The following NUDT1 variants were observed in gnomAD, a reference collection of about 807,000 sequenced individuals.
NUDT1 encodes the protein oxidized purine nucleoside triphosphate hydrolase.
In NUDT1, 16 loss-of-function variants were observed where a neutral mutation model predicts 11.3. The ratio of observed to expected loss-of-function variants is 1.41; its 90% CI spans 0.96 to 2.15. The LOEUF is 2.15. NUDT1 is among the 30% of genes most tolerant of loss of function. The pLI is 0.00. For synonymous variants in NUDT1, 101 were observed against 84.4 expected (o/e 1.20, Z -1.08); for missense variants, 234 against 208.4 (o/e 1.12, Z -0.76).
Position 2,249,961 on chromosome 7 carries a change from T to G in NUDT1, c.257T>G (p.Phe86Cys), listed in dbSNP as rs771017039. ...GEPELMDVHV[F>C]CTDSIQGTPV... ...CCTGAGCTCATGGACGTGCATGTCTTCTGCACAGACAGCATCCAGGGGACC... is the reference window on the plus strand; with the variant it reads ...CCTGAGCTCATGGACGTGCATGTCTGCTGCACAGACAGCATCCAGGGGACC... The change falls in exon 3 of 4, where the codon TTC (phenylalanine) becomes TGC (cysteine). Residue 86 changes from phenylalanine to cysteine, a missense_variant. Physicochemically the swap from Phe to Cys is radical, Grantham distance 205. Transcript: ENST00000356714. 6.2e-7 allele frequency: 1 copy of G among 1,614,184 alleles called. No individual in the cohort carries two copies. Among genetic ancestry groups the G allele is most frequent in the South Asian group, 1.1e-5 (1 of 91,086 alleles).
intron 3 of NUDT1, among the ~76,000 whole-genome samples, chr7:2,250,450 T>TTTG (rs766656130): frequency 6.6e-6 from 1 of 152,132 alleles, no homozygotes; most frequent in East Asian, 1.9e-4. Context: ...AAAACATGGT[T>TTTG]TTGTTGTTGT....
intron 1 of NUDT1, 43 bp from the exon 2 acceptor site, chr7:2,244,520 C>G: frequency 1.3e-6 from 2 of 1,493,438 alleles, no homozygotes; most frequent in Non-Finnish European, 1.8e-6. Context: ...GTGCTTCCTC[C>G]ACGCACGTCA....
At chr7:2,248,214 T>C (rs1445994687) in intron 2 of NUDT1, 1 of 152,034 alleles carries the variant, frequency 6.6e-6, no homozygotes, top group African/African-American at 2.4e-5. Flanking sequence ...CACAGAAAAA[T>C]TAGCCGGGCA....
At position 2,250,863 on chromosome 7, in the gene NUDT1, C is replaced by G. The variant is rs1173124709; in HGVS notation, c.333C>G (p.Ile111Met). The change falls in exon 4 of 4, where the codon ATC becomes ATG. Residue 111 changes from isoleucine (I) to methionine (M), a missense_variant. Coordinates refer to ENST00000356714, the MANE Select transcript of NUDT1 (RefSeq NM_002452.4). ...MRPCWFQLDQ[I>M]PFKDMWPDDS... is the part of the protein sequence containing the mutation. ...CATGCTGGTTCCAGCTGGATCAGAT[C>G]CCCTTCAAGGACATGTGGCCCGACG... 1 of 1,614,182 alleles carries G rather than the reference C, an allele frequency of 6.2e-7. No individual in the cohort carries two copies. The highest frequency in any genetic ancestry group is 8.5e-7 in the Non-Finnish European group (1 of 1,180,028).
rs749716688 is a variant in NUDT1 at position 2,251,012 on chromosome 7, G to T, written c.*11G>T. The T allele has an allele frequency of 2.5e-6, 4 of 1,613,600 alleles. No individual in the cohort carries two copies. In the Admixed American group the frequency reaches 6.7e-5, roughly 27 times the overall value. Reference sequence around the variant, plus strand: ...GTGGACACGGTCTAGCGGGAGCCCAGGGCAGCCCCTGGGCAGGAGACGTGG... The same window carrying T: ...GTGGACACGGTCTAGCGGGAGCCCATGGCAGCCCCTGGGCAGGAGACGTGG... On this transcript the variant is annotated 3_prime_UTR_variant, in exon 4 of 4. Coordinates refer to ENST00000356714, the MANE Select transcript of NUDT1 (RefSeq NM_002452.4).
intron 2 of NUDT1, chr7:2,248,053 G>C (rs1794837655): frequency 6.6e-6 from 1 of 152,192 alleles, no homozygotes; most frequent in African/African-American, 2.4e-5. Context: ...AGGAGGCATC[G>C]CTTAAATCAG....
At chr7:2,246,805 G>A (rs1278884425) in intron 2 of NUDT1, among the ~76,000 whole-genome samples, 7 of 152,118 alleles carry the variant, frequency 4.6e-5, no homozygotes, top group African/African-American at 9.7e-5. Flanking sequence ...ACCTGGAGAC[G>A]GGGGTTTCAC....
At chr7:2,245,491 G>A (rs1189744706) in intron 2 of NUDT1, among the ~76,000 whole-genome samples, 1 of 152,220 alleles carries the variant, frequency 6.6e-6, no homozygotes, top group African/African-American at 2.4e-5. Context: ...CTCTGATAGA[G>A]TGTACACACT....
intron 2 of NUDT1, 44 bp from the exon 3 acceptor site, chr7:2,249,813 C>CCATG (rs1236233591): frequency 7.5e-6 from 12 of 1,606,724 alleles, no homozygotes; most frequent in South Asian, 1.1e-5. Context: ...GGGCATGGCA[C>CCATG]CATGCCCTGA....
intron 1 of NUDT1, among the ~76,000 whole-genome samples, chr7:2,244,162 A>G (rs568255986): frequency 1.4e-4 from 21 of 152,264 alleles, no homozygotes; most frequent in African/African-American, 5.1e-4. Flanking sequence ...CTGCGTGGTT[A>G]TTTTGGTGCC....
At position 2,242,263 on chromosome 7, in the gene NUDT1, A is replaced by T; in HGVS notation, c.-13+7A>T. ...CCCGGAAGCGGCGGTGCAGGTACGA[A>T]AAGCGCGCGCGGGGATTCCAGGAGT... On this transcript the variant is annotated splice_region_variant and intron_variant, in intron 1 of 3. Transcript: ENST00000356714. The T allele has an allele frequency of 7.8e-7, 1 of 1,289,008 alleles. No homozygotes were observed. Among genetic ancestry groups the T allele is most frequent in the South Asian group, 1.4e-5 (1 of 70,768 alleles). 79.8% of individuals were successfully genotyped at this position (1,289,008 alleles called of 1,614,324 possible). A position where few individuals can be genotyped will look rare whatever the true frequency, so the allele number is the denominator to read the frequency against.
At chr7:2,244,391 T>C (rs908770345) in intron 1 of NUDT1, 172 bp from the exon 2 acceptor site, 2 of 601,776 alleles carry the variant, frequency 3.3e-6, no homozygotes, top group Admixed American at 3.2e-5. Flanking sequence ...ACTGGTTCAA[T>C]GGCAGTTTTC....
In NUDT1 at chr7:2,249,901, A is replaced by G. The variant is rs1189503851; in HGVS notation, c.197A>G (p.Lys66Arg). ...GGTCTGACAGTGGACGCCCTGCACAAGGTGGGCCAGATCGTGTTTGAGTTC... is the reference window on the plus strand; with the variant it reads ...GGTCTGACAGTGGACGCCCTGCACAGGGTGGGCCAGATCGTGTTTGAGTTC... ...ESGLTVDALH[K>R]VGQIVFEFVG... The change falls in exon 3 of 4, where the codon AAG becomes AGG. Residue 66 changes from lysine (K) to arginine (R), a missense_variant. Lys to Arg is a conservative substitution (Grantham distance 26). Coordinates refer to ENST00000356714, the MANE Select transcript of NUDT1 (RefSeq NM_002452.4). 3 of 1,614,018 alleles carry G rather than the reference A, an allele frequency of 1.9e-6. No individual in the cohort carries two copies. Among genetic ancestry groups the G allele is most frequent in the African/African-American group, 1.3e-5 (1 of 74,940 alleles).
chr7:2,245,345 GAA>G (rs1312551069), intron 2 of NUDT1, among the ~76,000 whole-genome samples: 1 of 152,176 alleles, frequency 6.6e-6, no homozygotes, highest in East Asian at 1.9e-4. Flanking sequence ...TTTGTTCTGA[GAA>G]AGGTAGGCCA....
Position 2,249,883 on chromosome 7 carries a change from C to G in NUDT1, c.179C>G (p.Thr60Arg). Residue 60 changes from threonine to arginine, a missense_variant, in exon 3 of 4, where the codon ACA (threonine) becomes AGA (arginine). Thr to Arg is a moderately conservative substitution (Grantham distance 71). Transcript: ENST00000356714. ...RRELQEESGL[T>R]VDALHKVGQI... Reference sequence around the variant, plus strand: ...GAGCTGCAGGAGGAGAGCGGTCTGACAGTGGACGCCCTGCACAAGGTGGGC... The same window carrying G: ...GAGCTGCAGGAGGAGAGCGGTCTGAGAGTGGACGCCCTGCACAAGGTGGGC... The G allele has an allele frequency of 6.2e-7, 1 of 1,614,002 alleles. No homozygotes were observed.
intron 3 of NUDT1, among the ~76,000 whole-genome samples, chr7:2,250,439 A>C (rs1450579901): frequency 2.0e-5 from 3 of 152,008 alleles, no homozygotes; most frequent in Non-Finnish European, 4.4e-5. Flanking sequence ...ATCTCTACAA[A>C]AAAACATGGT....
At chr7:2,244,785 C>A in intron 2 of NUDT1, 59 bp downstream of exon 2, 1 of 1,560,594 alleles carries the variant, frequency 6.4e-7, no homozygotes, top group Non-Finnish European at 8.7e-7. Flanking sequence ...GGGATTCGGG[C>A]TGTAGGGCCA....
intron 2 of NUDT1, among the ~76,000 whole-genome samples, chr7:2,249,024 A>G (rs763049615): frequency 2.0e-5 from 3 of 152,160 alleles, no homozygotes; most frequent in Admixed American, 1.3e-4. Flanking sequence ...CAAATATGTA[A>G]TTTTTAAATT....
rs532760706 is a variant in NUDT1 at position 2,243,599 on chromosome 7, C to T, written c.-12-964C>T. On this transcript the variant is annotated intron_variant, in intron 1 of 3. Coordinates refer to ENST00000356714, the MANE Select transcript of NUDT1 (RefSeq NM_002452.4). ...ACCAGCCTGGGCAACGTGACAAAAC[C>T]CCATCTCTACTAAAAATACAGAAAT... is the stretch of plus-strand genomic sequence containing the variant. Among the ~76,000 whole-genome samples, 50 of 152,100 alleles carry T rather than the reference C, an allele frequency of 3.3e-4. 2 individuals are homozygous for T. In the South Asian group the frequency reaches 8.9e-3, roughly 27 times the overall value.
Sources: allele counts gnomAD v4.1 joint callset (sites outside exome capture counted in the v4.1 genomes callset), GRCh38; gene constraint gnomAD v4.1.1; transcripts MANE v1.5; gene names NCBI Gene and HGNC (gene_info 2026-07-23, HGNC 2026-07-21).